The following PDE3A variants were observed in gnomAD, a reference collection of about 807,000 sequenced individuals.
The protein encoded by PDE3A is cGMP-inhibited 3',5'-cyclic phosphodiesterase 3A.
Under a neutral mutation model 98.3 loss-of-function variants are expected in PDE3A, and 43 were observed. The ratio of observed to expected loss-of-function variants is 0.44; its 90% CI spans 0.34 to 0.56. PDE3A has a LOEUF of 0.56. Ranked by LOEUF, PDE3A falls within the 20% of genes least tolerant of loss-of-function variation. The pLI is 0.01. For synonymous variants in PDE3A, 663 were observed against 567.9 expected (o/e 1.17, Z -2.38); for missense variants, 1,427 against 1,440.7 (o/e 0.99, Z 0.15).
In PDE3A at chr12:20,680,362, A is replaced by G; in HGVS notation, c.*91A>G. ...CAACATTTAGACACAACACTGTAGA[A>G]ATTTGAGATGGGCAAATGGCTATTG... On this transcript the variant is annotated 3_prime_UTR_variant, in exon 16 of 16. Coordinates refer to ENST00000359062, the MANE Select transcript of PDE3A (RefSeq NM_000921.5). 1 of 1,302,004 alleles carries G rather than the reference A, an allele frequency of 7.7e-7. No individual in the cohort carries two copies. The highest frequency in any genetic ancestry group is 2.4e-5 in the East Asian group (1 of 41,498). The allele number at this position is 1,302,004 out of a possible 1,614,324, so 80.7% of individuals were successfully genotyped here.
intron 15 of PDE3A, among the ~76,000 whole-genome samples, chr12:20,672,030 A>T (rs9669655): frequency 0.062 from 9,427 of 151,368 alleles, 539 homozygotes; most frequent in Middle Eastern, 0.18. Flanking sequence ...ATGTACAAAA[A>T]TCACAAGCAT....
chr12:20,550,527 CAAT>C (rs965650714), intron 1 of PDE3A, among the ~76,000 whole-genome samples: 3 of 151,872 alleles, frequency 2.0e-5, no homozygotes, highest in African/African-American at 7.3e-5. Flanking sequence ...TCTTTAGTAT[CAAT>C]AAATATTTTT....
At chr12:20,382,727 T>A (rs1943684123) in intron 1 of PDE3A, among the ~76,000 whole-genome samples, 1 of 151,996 alleles carries the variant, frequency 6.6e-6, no homozygotes, top group Admixed American at 6.6e-5. Flanking sequence ...ATAATATAAC[T>A]GATTTCTTAA....
intron 1 of PDE3A, among the ~76,000 whole-genome samples, chr12:20,531,565 T>C (rs972297719): frequency 5.3e-5 from 8 of 152,146 alleles, no homozygotes; most frequent in African/African-American, 1.4e-4. Context: ...AAGACAGTAG[T>C]AGCCTATCCT....
rs1263315969 is a variant in PDE3A at position 20,552,253 on chromosome 12, G to A, written c.961-4407G>A. 6.2e-7 allele frequency: 1 copy of A among 1,613,952 alleles called. No individual in the cohort carries two copies. Among genetic ancestry groups the A allele is most frequent in the South Asian group, 1.1e-5 (1 of 91,080 alleles). On this transcript the variant is annotated intron_variant, in intron 1 of 15. Coordinates refer to ENST00000359062, the MANE Select transcript of PDE3A (RefSeq NM_000921.5). This position sits in a 1 kb window ranked among gnomAD's most constrained non-coding sequence, Gnocchi z 5.1. ...CAGGGTGGTGCGCAATGTCAAGGGTGGCAAGAATAGCAAGTACGCCCCCGC... is the reference window on the plus strand; with the variant it reads ...CAGGGTGGTGCGCAATGTCAAGGGTAGCAAGAATAGCAAGTACGCCCCCGC...
chr12:20,668,779 A>T (rs1353746024), intron 15 of PDE3A, among the ~76,000 whole-genome samples: 1 of 151,580 alleles, frequency 6.6e-6, no homozygotes, highest in Admixed American at 6.6e-5. Flanking sequence ...GGAAACTCTA[A>T]AAAGCAGAGC....
intron 1 of PDE3A, among the ~76,000 whole-genome samples, chr12:20,526,655 A>G (rs1946526107): frequency 6.6e-6 from 1 of 152,084 alleles, no homozygotes; most frequent in African/African-American, 2.4e-5. Flanking sequence ...GCTGTCTTCC[A>G]TTCAGTTTTT....
chr12:20,582,346 A>T (rs1279363428), intron 2 of PDE3A, among the ~76,000 whole-genome samples: 1 of 151,964 alleles, frequency 6.6e-6, no homozygotes, highest in Non-Finnish European at 1.5e-5. Context: ...ATGCACCACC[A>T]TGCCTGACTA....
chr12:20,415,685 C>A (rs545007529), intron 1 of PDE3A, among the ~76,000 whole-genome samples: 1 of 152,308 alleles, frequency 6.6e-6, no homozygotes, highest in South Asian at 2.1e-4. Flanking sequence ...GATCTGCCCG[C>A]CTCGGCCTCC....
chr12:20,668,277 C>G (rs898333435), intron 15 of PDE3A, among the ~76,000 whole-genome samples: 2 of 152,176 alleles, frequency 1.3e-5, no homozygotes, highest in Admixed American at 6.5e-5. Context: ...GGGGGAGGGG[C>G]GCCCGCCATT....
At chr12:20,669,477 C>G (rs1945411675) in intron 15 of PDE3A, among the ~76,000 whole-genome samples, 1 of 151,630 alleles carries the variant, frequency 6.6e-6, no homozygotes, top group Non-Finnish European at 1.5e-5. Flanking sequence ...CAAAGGGAAG[C>G]CCATCAGACT....
At position 20,487,857 on chromosome 12, in the gene PDE3A, C is replaced by A. The variant is rs150619970; in HGVS notation, c.961-68803C>A. 5.1e-3 allele frequency among the ~76,000 whole-genome samples: 771 copies of A among 152,100 alleles called. 2 individuals are homozygous for A. Among genetic ancestry groups the A allele is most frequent in the South Asian group, 8.3e-3 (40 of 4,810 alleles). The stretch of plus-strand genomic sequence containing the variant: ...AGAAATGCATGAGCTAGTCAGGGAA[C>A]CTACTAATTTGTCATGTTTTTTCTT... On this transcript the variant is annotated intron_variant, in intron 1 of 15. Coordinates refer to ENST00000359062, the MANE Select transcript of PDE3A (RefSeq NM_000921.5).
chr12:20,400,522 TCAGCCTCCCAGGTAGCTGGGACTA>T (rs1399110277), intron 1 of PDE3A, among the ~76,000 whole-genome samples: 3 of 150,832 alleles, frequency 2.0e-5, no homozygotes, highest in South Asian at 2.1e-4. Context: ...TTCTCCTGCC[TCAGCCTCCCAGGTAGCTGGGACTA>T]CAGGCGCCCG....
At chr12:20,584,614 A>G (rs184985817) in intron 2 of PDE3A, among the ~76,000 whole-genome samples, 1 of 152,300 alleles carries the variant, frequency 6.6e-6, no homozygotes, top group East Asian at 1.9e-4. Context: ...AGACTGCTGA[A>G]TAACTTCTAT....
intron 7 of PDE3A, 57 bp from the exon 8 acceptor site, chr12:20,634,845 A>T: frequency 7.2e-7 from 1 of 1,394,018 alleles, no homozygotes; most frequent in East Asian, 2.3e-5. Flanking sequence ...ATTTGCTTAA[A>T]TGAGCCCCCT....
chr12:20,475,404 C>T (rs1238763644), intron 1 of PDE3A, among the ~76,000 whole-genome samples: 1 of 152,076 alleles, frequency 6.6e-6, no homozygotes, highest in Admixed American at 6.6e-5. Context: ...CTTTTTACAA[C>T]CCCTTCGCCT....
In PDE3A at chr12:20,534,610, C is replaced by T. The variant is rs559308597; in HGVS notation, c.961-22050C>T. Among the ~76,000 whole-genome samples the T allele has an allele frequency of 1.8e-4, 28 of 152,260 alleles. 1 individual carries two copies. The East Asian group carries it at 2.3e-3, about 13-fold the overall frequency. ...TGTGTAATTAAAAATATTGAAATCT[C>T]ATTGCTTGGCAACCACTCTAGACCT... On this transcript the variant is annotated intron_variant, in intron 1 of 15. Transcript: ENST00000359062.
intron 1 of PDE3A, among the ~76,000 whole-genome samples, chr12:20,389,255 C>A (rs1209648462): frequency 2.0e-5 from 3 of 151,876 alleles, no homozygotes; most frequent in Non-Finnish European, 1.5e-5. Flanking sequence ...AGGGGGCAAT[C>A]AGTACTGAAG....
chr12:20,663,414 A>G (rs2120357096), intron 15 of PDE3A, among the ~76,000 whole-genome samples: 1 of 152,250 alleles, frequency 6.6e-6, no homozygotes, highest in South Asian at 2.1e-4. Flanking sequence ...GAAAAGCCAC[A>G]GGCAGTCAAT....
Sources: allele counts gnomAD v4.1 joint callset (sites outside exome capture counted in the v4.1 genomes callset), GRCh38; gene constraint gnomAD v4.1.1; non-coding constraint Gnocchi (gnomAD v3.1); transcripts MANE v1.5; gene names NCBI Gene and HGNC (gene_info 2026-07-23, HGNC 2026-07-21).